The following HAUS2 variants were observed in gnomAD, a reference collection of about 807,000 sequenced individuals.
HAUS2 encodes the protein HAUS augmin-like complex subunit 2.
In HAUS2, 20 loss-of-function variants were observed where a neutral mutation model predicts 21.6. That is an observed-to-expected ratio of 0.93 (90% CI 0.65 to 1.35). HAUS2 has a LOEUF of 1.35. Ranked by LOEUF, HAUS2 falls within the 40% of genes most tolerant of loss-of-function variation. The probability of loss-of-function intolerance (pLI) is 0.00; values close to 1 mark genes in which losing one functional copy is unlikely to be tolerated. For synonymous variants in HAUS2, 113 were observed against 95.6 expected, an observed-to-expected ratio of 1.18 and a Z score of -1.06; for missense variants, 297 against 280.7, an observed-to-expected ratio of 1.06 and a Z score of -0.42.
At chr15:42,561,671 C>T in intron 4 of HAUS2, 1 of 314,342 alleles carries the variant, frequency 3.2e-6, no homozygotes, top group South Asian at 5.6e-5. Flanking sequence ...ACAATAAAAA[C>T]TGTTTGTATG....
chr15:42,554,338 C>G (rs1424086577), intron 1 of HAUS2, among the ~76,000 whole-genome samples: 2 of 151,610 alleles, frequency 1.3e-5, no homozygotes, highest in Non-Finnish European at 2.9e-5. Context: ...ACTATTTTAA[C>G]TGTCTTAAAA....
rs547363768 is a variant in HAUS2, at chr15:42,558,314, CTTTTTTTTTTT to C, written c.186+38_186+48del. The C allele has an allele frequency of 1.2e-4, 46 of 375,854 alleles. 1 individual carries two copies. Among genetic ancestry groups the C allele is most frequent in the African/African-American group, 1.0e-3 (31 of 31,142 alleles). 23.3% of individuals were successfully genotyped at this position (375,854 alleles called of 1,614,324 possible). On this transcript the variant is annotated intron_variant, in intron 2 of 5. Coordinates refer to ENST00000260372, the MANE Select transcript of HAUS2 (RefSeq NM_018097.3). ...AGGTAAATCATTTTGTTTTCACTTTCTTTTTTTTTTTTTTTTTTTTTTTTGAGACGGAGTCT... is the reference window on the plus strand; with the variant it reads ...AGGTAAATCATTTTGTTTTCACTTTCTTTTTTTTTTTTTGAGACGGAGTCT...
intron 5 of HAUS2, among the ~76,000 whole-genome samples, chr15:42,565,591 ACAT>A (rs2057898151): frequency 6.6e-6 from 1 of 152,146 alleles, no homozygotes. Flanking sequence ...AAAACTACAG[ACAT>A]CATGCACCCT....
At chr15:42,553,879 T>G (rs1341771698) in intron 1 of HAUS2, among the ~76,000 whole-genome samples, 1 of 152,212 alleles carries the variant, frequency 6.6e-6, no homozygotes, top group African/African-American at 2.4e-5. Flanking sequence ...GGTCAGCTGA[T>G]ATGATGGAAG....
chr15:42,553,133 C>A (rs1300948228), intron 1 of HAUS2, among the ~76,000 whole-genome samples: 1 of 151,994 alleles, frequency 6.6e-6, no homozygotes, highest in African/African-American at 2.4e-5. Context: ...ATTACAGGCA[C>A]ATACCACCAC....
chr15:42,565,239 C>T (rs941768124), intron 5 of HAUS2, among the ~76,000 whole-genome samples: 3 of 152,102 alleles, frequency 2.0e-5, no homozygotes, highest in African/African-American at 7.2e-5. Context: ...AGTCAAAGAA[C>T]CCAGAGAGTA....
At chr15:42,565,431 GT>G (rs1232694666) in intron 5 of HAUS2, among the ~76,000 whole-genome samples, 3 of 145,814 alleles carry the variant, frequency 2.1e-5, no homozygotes, top group Non-Finnish European at 4.5e-5. Flanking sequence ...GTGTGTGTGT[GT>G]TTTCTTTTTT....
At chr15:42,565,026 G>A (rs2057892199) in intron 5 of HAUS2, among the ~76,000 whole-genome samples, 1 of 152,054 alleles carries the variant, frequency 6.6e-6, no homozygotes, top group Non-Finnish European at 1.5e-5. Context: ...TAGTAGAGAC[G>A]GGGTTTTGCC....
At chr15:42,560,580 G>C (rs1405830638) in intron 3 of HAUS2, among the ~76,000 whole-genome samples, 6 of 151,818 alleles carry the variant, frequency 4.0e-5, no homozygotes, top group Admixed American at 2.6e-4. Context: ...TAACTGAATG[G>C]GGAAAATAAT....
chr15:42,554,637 T>C (rs548683096), intron 1 of HAUS2, among the ~76,000 whole-genome samples: 3 of 148,610 alleles, frequency 2.0e-5, no homozygotes, highest in Admixed American at 6.7e-5. Context: ...ATTACAGGCA[T>C]ATGTCATCAT....
chr15:42,557,345 T>TTATATATAATATATATA (rs2057790805), intron 1 of HAUS2, among the ~76,000 whole-genome samples: 1 of 16,710 alleles, frequency 6.0e-5, no homozygotes, highest in Admixed American at 6.6e-4. Flanking sequence ...TAATATATAT[T>TTATATATAATATATATA]TTATATATAA....
chr15:42,565,951 C>A (rs1490971906), intron 5 of HAUS2, among the ~76,000 whole-genome samples: 1 of 152,006 alleles, frequency 6.6e-6, no homozygotes, highest in Non-Finnish European at 1.5e-5. Flanking sequence ...ACCTGTAATC[C>A]CAGCACTTTG....
rs373259312 is a variant in HAUS2, at chr15:42,563,840, G to A, written c.481G>A (p.Ala161Thr). The change falls in exon 5 of 6, where the codon GCA (alanine) becomes ACA (threonine). Residue 161 changes from alanine to threonine, a missense_variant. Transcript: ENST00000260372. ...AATTAGAAATATTCCTCATTTAGCT[G>A]CAAATCTAAAGAAAATGGTGAGTAT... ...ETIRNIPHLA[A>T]NLKKMNQALA... 1.0e-5 allele frequency: 15 copies of A among 1,496,748 alleles called. No homozygotes were observed. In the African/African-American group the frequency reaches 1.5e-4, roughly 15 times the overall value. 92.7% of individuals were successfully genotyped at this position (1,496,748 alleles called of 1,614,324 possible). A position where few individuals can be genotyped will look rare whatever the true frequency, so the allele number is the denominator to read the frequency against.
intron 1 of HAUS2, among the ~76,000 whole-genome samples, chr15:42,552,885 G>A (rs1244098022): frequency 6.6e-6 from 1 of 151,856 alleles, no homozygotes; most frequent in African/African-American, 2.4e-5. Context: ...ATGTCCCTCA[G>A]CTAGAATTCA....
intron 1 of HAUS2, among the ~76,000 whole-genome samples, chr15:42,552,315 C>T (rs953268320): frequency 6.6e-6 from 1 of 152,168 alleles, no homozygotes; most frequent in Non-Finnish European, 1.5e-5. Flanking sequence ...TGAGCCACTA[C>T]ACCCAGCCAA....
Position 42,558,245 on chromosome 15 carries a change from C to T in HAUS2, c.141C>T (p.Phe47=). 1 of 1,497,642 alleles carries T rather than the reference C, an allele frequency of 6.7e-7. No homozygotes were observed. Among genetic ancestry groups the T allele is most frequent in the South Asian group, 1.2e-5 (1 of 86,460 alleles). 92.8% of individuals were successfully genotyped at this position (1,497,642 alleles called of 1,614,324 possible). The change falls in exon 2 of 6, where the codon TTC becomes TTT. Residue 47 remains phenylalanine, a synonymous_variant. Transcript: ENST00000260372. ...SKKTVSCFVN[F]TRLQQITNIQ... is the part of the protein sequence containing the mutation. Reference sequence around the variant, plus strand: ...AAACAGTTTCTTGTTTTGTGAACTTCACCAGACTACAGCAGATCACAAATA... The same window carrying T: ...AAACAGTTTCTTGTTTTGTGAACTTTACCAGACTACAGCAGATCACAAATA...
At chr15:42,558,321 T>C (rs759990283) in intron 2 of HAUS2, 31 bp downstream of exon 2, 8 of 775,998 alleles carry the variant, frequency 1.0e-5, no homozygotes, top group South Asian at 4.9e-5. Context: ...TTTCTTTTTT[T>C]TTTTTTTTTT....
intron 1 of HAUS2, among the ~76,000 whole-genome samples, chr15:42,552,174 C>T (rs901490242): frequency 6.6e-6 from 1 of 152,090 alleles, no homozygotes; most frequent in African/African-American, 2.4e-5. Context: ...AGGCGCGCAC[C>T]ACCACGCCCG....
Position 42,558,339 on chromosome 15 carries a change from GA to G in HAUS2, c.186+50del, listed in dbSNP as rs749987916. 5.0e-4 allele frequency: 145 copies of G among 288,234 alleles called. 1 individual carries two copies. Among genetic ancestry groups the G allele is most frequent in the Non-Finnish European group, 5.7e-4 (103 of 181,530 alleles). The allele number at this position is 288,234 out of a possible 1,614,324, so 17.9% of individuals were successfully genotyped here. On this transcript the variant is annotated intron_variant, in intron 2 of 5. Coordinates refer to ENST00000260372, the MANE Select transcript of HAUS2 (RefSeq NM_018097.3). Reference sequence around the variant, plus strand: ...CTTTTTTTTTTTTTTTTTTTTTTTTGAGACGGAGTCTTGCTCTGTCACGCAG... The same window carrying G: ...CTTTTTTTTTTTTTTTTTTTTTTTTGGACGGAGTCTTGCTCTGTCACGCAG...
Sources: gnomAD v4.1 joint callset for allele counts (sites outside exome capture counted in the v4.1 genomes callset) on GRCh38, gnomAD v4.1.1 for gene constraint, MANE v1.5 for transcripts, NCBI Gene and HGNC (gene_info 2026-07-23, HGNC 2026-07-21) for gene names.